The following PTK2B variants were observed in gnomAD, a reference collection of about 807,000 sequenced individuals.
The protein encoded by PTK2B is protein tyrosine kinase 2 beta, also known as protein-tyrosine kinase 2-beta.
PTK2B carries 71 observed loss-of-function variants against 142.9 expected under a neutral mutation model. That is an observed-to-expected ratio of 0.50 (90% CI 0.41 to 0.61). PTK2B has a LOEUF of 0.61. Ranked by LOEUF, PTK2B falls within the 20% of genes least tolerant of loss-of-function variation. The pLI is 0.00. For synonymous variants in PTK2B, 519 were observed against 503.4 expected, an observed-to-expected ratio of 1.03 and a Z score of -0.42; for missense variants, 1,105 against 1,320.4, an observed-to-expected ratio of 0.84 and a Z score of 2.53.
intron 5 of PTK2B, among the ~76,000 whole-genome samples, chr8:27,422,886 G>A (rs554431328): frequency 1.3e-5 from 2 of 152,114 alleles, no homozygotes; most frequent in Non-Finnish European, 2.9e-5. Flanking sequence ...ATCATAATAC[G>A]AGGCAGAATG....
At chr8:27,347,672 A>G (rs1586130766) in intron 1 of PTK2B, among the ~76,000 whole-genome samples, 4 of 152,326 alleles carry the variant, frequency 2.6e-5, no homozygotes, top group Admixed American at 2.6e-4. Flanking sequence ...TGGTCCCATT[A>G]TAATCACCAC....
At chr8:27,423,146 T>C (rs1162923850) in intron 5 of PTK2B, among the ~76,000 whole-genome samples, 1 of 152,154 alleles carries the variant, frequency 6.6e-6, no homozygotes, top group Non-Finnish European at 1.5e-5. Context: ...AATGATATCA[T>C]TAGAATGACA....
intron 21 of PTK2B, among the ~76,000 whole-genome samples, chr8:27,442,210 A>G (rs1811195409): frequency 6.6e-6 from 1 of 152,222 alleles, no homozygotes; most frequent in African/African-American, 2.4e-5. Context: ...TTTTTATTAT[A>G]CATAATAAAA....
In PTK2B at chr8:27,440,290, G is replaced by A; in HGVS notation, c.1888G>A (p.Glu630Lys). 1 of 1,614,210 alleles carries A rather than the reference G, an allele frequency of 6.2e-7. No individual in the cohort carries two copies. The highest frequency in any genetic ancestry group is 1.1e-5 in the South Asian group (1 of 91,082). The stretch of plus-strand genomic sequence containing the variant: ...TGGGAAGCAGCCCTTCTTCTGGCTG[G>A]AGAACAAGGATGTCATCGGGGTGCT... ...SFGKQPFFWLENKDVIGVLEK... is the reference protein window; with the variant it reads ...SFGKQPFFWLKNKDVIGVLEK... Residue 630 changes from glutamate (E) to lysine (K), a missense_variant, in exon 21 of 31, where the codon GAG (glutamate) becomes AAG (lysine). Glu to Lys is a moderately conservative substitution (Grantham distance 56). Transcript: ENST00000346049.
intron 24 of PTK2B, among the ~76,000 whole-genome samples, chr8:27,446,191 C>T (rs1811459703): frequency 6.6e-6 from 1 of 152,234 alleles, no homozygotes. Context: ...ATGTACAAAT[C>T]TCCCCCTCTC....
intron 2 of PTK2B, among the ~76,000 whole-genome samples, chr8:27,406,278 A>T (rs542700402): frequency 6.6e-6 from 1 of 151,714 alleles, no homozygotes; most frequent in South Asian, 2.1e-4. Context: ...ACTTAATTAC[A>T]TTTGCAAAGC....
Position 27,437,667 on chromosome 8 carries a change from C to T in PTK2B, c.1528-98C>T, listed in dbSNP as rs1055032227. On this transcript the variant is annotated intron_variant, in intron 17 of 30. Transcript: ENST00000346049. ...TGCCAGCTTTGGGTTTGTCTCCCAC[C>T]GCCCCCAGGGAAGGGTCAGGGGTTG... The T allele has an allele frequency of 5.0e-5, 65 of 1,310,942 alleles. No homozygotes were observed. In the African/African-American group the frequency reaches 7.2e-4, roughly 14 times the overall value. 81.2% of individuals were successfully genotyped at this position (1,310,942 alleles called of 1,614,324 possible).
chr8:27,413,479 A>G (rs1809194115), intron 2 of PTK2B, among the ~76,000 whole-genome samples: 1 of 152,236 alleles, frequency 6.6e-6, no homozygotes, highest in Non-Finnish European at 1.5e-5. Flanking sequence ...TCCTAAATCC[A>G]AAAGAGTACA....
At chr8:27,337,798 G>T (rs1437328705) in intron 1 of PTK2B, among the ~76,000 whole-genome samples, 1 of 152,116 alleles carries the variant, frequency 6.6e-6, no homozygotes, top group Non-Finnish European at 1.5e-5. Context: ...TCCACTTTTT[G>T]ACCATTGTAA....
At chr8:27,450,183 C>G (rs1416460163) in intron 24 of PTK2B, among the ~76,000 whole-genome samples, 1 of 152,148 alleles carries the variant, frequency 6.6e-6, no homozygotes, top group Non-Finnish European at 1.5e-5. Flanking sequence ...CTCTCAGGCT[C>G]TGCTCATTCA....
intron 2 of PTK2B, among the ~76,000 whole-genome samples, chr8:27,414,207 A>T (rs962462755): frequency 6.6e-6 from 1 of 151,586 alleles, no homozygotes; most frequent in Non-Finnish European, 1.5e-5. Flanking sequence ...GAAAACTGCA[A>T]CTTGGTGCTG....
chr8:27,435,349 A>T (rs574145897), intron 13 of PTK2B, among the ~76,000 whole-genome samples: 1 of 152,330 alleles, frequency 6.6e-6, no homozygotes, highest in East Asian at 1.9e-4. Context: ...TCCTAATCCC[A>T]TCGCATTGGG....
chr8:27,416,840 A>G (rs1312029638), intron 2 of PTK2B, among the ~76,000 whole-genome samples: 1 of 152,232 alleles, frequency 6.6e-6, no homozygotes, highest in African/African-American at 2.4e-5. Context: ...TGAATGGCCT[A>G]TAAACACATG....
intron 1 of PTK2B, among the ~76,000 whole-genome samples, chr8:27,381,824 T>A (rs573603077): frequency 7.9e-5 from 12 of 152,352 alleles, no homozygotes; most frequent in Admixed American, 5.2e-4. Flanking sequence ...GCATTTGTTA[T>A]TTTTTGTCTT....
At chr8:27,455,788 G>A (rs1373345395) in intron 30 of PTK2B, among the ~76,000 whole-genome samples, 1 of 152,250 alleles carries the variant, frequency 6.6e-6, no homozygotes, top group Admixed American at 6.5e-5. Flanking sequence ...AATCTGTGTT[G>A]TTTTGCGCCA....
In PTK2B at chr8:27,348,599, G is replaced by A. The variant is rs113281376; in HGVS notation, c.-38+22918G>A. 6.1e-3 allele frequency among the ~76,000 whole-genome samples: 927 copies of A among 152,268 alleles called. 4 individuals are homozygous for A. The highest frequency in any genetic ancestry group is 0.02 in the African/African-American group (837 of 41,544). On this transcript the variant is annotated intron_variant, in intron 1 of 30. Coordinates refer to ENST00000346049, the MANE Select transcript of PTK2B (RefSeq NM_173176.3). The stretch of plus-strand genomic sequence containing the variant: ...TACAAACAGTTCCCTGGTTCTCTTT[G>A]CAGCTAGAGGAAGGTAATTGTCAGA...
At chr8:27,327,152 G>A (rs1355250850) in intron 1 of PTK2B, among the ~76,000 whole-genome samples, 8 of 152,170 alleles carry the variant, frequency 5.3e-5, no homozygotes, top group African/African-American at 7.2e-5. Flanking sequence ...TGGAAGCAGC[G>A]GGCGGCATCC....
intron 1 of PTK2B, among the ~76,000 whole-genome samples, chr8:27,345,680 C>T (rs973879185): frequency 2.6e-5 from 4 of 152,218 alleles, no homozygotes; most frequent in African/African-American, 9.7e-5. Context: ...GTGCAGACTT[C>T]TATGCTGACT....
intron 2 of PTK2B, among the ~76,000 whole-genome samples, chr8:27,410,927 T>C (rs1809019190): frequency 6.6e-6 from 1 of 152,230 alleles, no homozygotes; most frequent in Non-Finnish European, 1.5e-5. Context: ...TTTTAATGTT[T>C]GCAAGAAAGC....
Sources: allele counts gnomAD v4.1 joint callset (sites outside exome capture counted in the v4.1 genomes callset), GRCh38; gene constraint gnomAD v4.1.1; transcripts MANE v1.5; gene names NCBI Gene and HGNC (gene_info 2026-07-23, HGNC 2026-07-21).